The following RPTOR variants were observed in gnomAD, a reference collection of about 807,000 sequenced individuals.
RPTOR encodes regulatory-associated protein of mTOR.
A neutral mutation model predicts 169.9 loss-of-function variants in RPTOR; 21 were observed. That is an observed-to-expected ratio of 0.12 (90% CI 0.09 to 0.18). The LOEUF is 0.18. Ranked by LOEUF, RPTOR falls within the 10% of genes least tolerant of loss-of-function variation. RPTOR has a pLI of 1.00. For missense variants in RPTOR, 1,133 were observed against 1,855.9 expected, an observed-to-expected ratio of 0.61 and a Z score of 7.16; for synonymous variants, 732 against 753.2, an observed-to-expected ratio of 0.97 and a Z score of 0.46.
chr17:80,679,961 G>T (rs762713908), intron 3 of RPTOR, among the ~76,000 whole-genome samples: 1 of 152,176 alleles, frequency 6.6e-6, no homozygotes, highest in Non-Finnish European at 1.5e-5. Flanking sequence ...TCCCTGTCCT[G>T]GAGAGGAAGA....
In RPTOR at chr17:80,959,399, G is replaced by C. The variant is rs1439946298; in HGVS notation, c.3478-679G>C. 3.9e-5 allele frequency among the ~76,000 whole-genome samples: 6 copies of C among 152,184 alleles called. No individual in the cohort carries two copies. The highest frequency in any genetic ancestry group is 2.0e-4 in the Admixed American group (3 of 15,290). On this transcript the variant is annotated intron_variant, in intron 29 of 33. Transcript: ENST00000306801. This position sits in a 1 kb window ranked among gnomAD's most constrained non-coding sequence, Gnocchi z 6.7. ...TGGGTGGAGGCACAGAGCGCAGCAG[G>C]TGCTCCCAGAGCCGGCTCTGCCCCT...
intron 1 of RPTOR, among the ~76,000 whole-genome samples, chr17:80,558,099 A>T (rs1027449728): frequency 6.6e-6 from 1 of 151,986 alleles, no homozygotes; most frequent in African/African-American, 2.4e-5. Context: ...CAGGAGTTTG[A>T]GACCAGACTG....
chr17:80,594,189 G>T (rs2065128017), intron 1 of RPTOR, among the ~76,000 whole-genome samples: 2 of 152,118 alleles, frequency 1.3e-5, no homozygotes. Context: ...TGCCTCCTGG[G>T]TTCAAGCCAT....
At chr17:80,949,604 C>T in intron 28 of RPTOR, 57 bp downstream of exon 28, 3 of 1,434,822 alleles carry the variant, frequency 2.1e-6, no homozygotes, top group East Asian at 4.5e-5. Flanking sequence ...TGCGGACGCA[C>T]TCGGAATTCC....
chr17:80,722,540 G>T lies in RPTOR; in HGVS notation c.508-8020G>T, dbSNP rs116027173. On this transcript the variant is annotated intron_variant, in intron 4 of 33. Transcript: ENST00000306801. ...GAGTGTGTGTTTGAGGGGAGACGGC[G>T]CATAGATGTCAGGTGGGGCAGGAAT... Among the ~76,000 whole-genome samples the T allele has an allele frequency of 4.2e-4, 64 of 151,160 alleles. 1 individual carries two copies. In the South Asian group the frequency reaches 0.013, roughly 30 times the overall value.
chr17:80,730,758 T>TTTTGCCGGG lies in RPTOR; in HGVS notation c.654+52_654+53insTTTGCCGGG. The stretch of plus-strand genomic sequence containing the variant: ...GTGCTGGGTTTGGTTTTGTTTTCCC[T>TTTTGCCGGG]GGGGGTGGGGTTTGGGTGGGGAGGT... On this transcript the variant is annotated intron_variant, in intron 5 of 33. Transcript: ENST00000306801. The surrounding 1 kb of genome is among the most constrained non-coding windows in gnomAD (Gnocchi z 4.2). The TTTTGCCGGG allele has an allele frequency of 6.4e-6, 3 of 467,250 alleles. No individual in the cohort carries two copies. Among genetic ancestry groups the TTTTGCCGGG allele is most frequent in the East Asian group, 6.0e-5 (1 of 16,768 alleles). The allele number at this position is 467,250 out of a possible 1,614,324, so 28.9% of individuals were successfully genotyped here.
intron 5 of RPTOR, among the ~76,000 whole-genome samples, chr17:80,733,845 A>T (rs1293592954): frequency 6.6e-6 from 1 of 152,180 alleles, no homozygotes; most frequent in Non-Finnish European, 1.5e-5. Flanking sequence ...TACTTTGTAA[A>T]CTTTGTGGTT....
At chr17:80,927,255 T>C (rs898741556) in intron 24 of RPTOR, among the ~76,000 whole-genome samples, 3 of 152,188 alleles carry the variant, frequency 2.0e-5, no homozygotes, top group African/African-American at 4.8e-5. Context: ...GTTAACAAGC[T>C]TGGTGTCCTT....
At chr17:80,854,449 T>C (rs921383388) in intron 11 of RPTOR, among the ~76,000 whole-genome samples, 11 of 152,142 alleles carry the variant, frequency 7.2e-5, no homozygotes, top group Admixed American at 2.6e-4. Flanking sequence ...CCGTCGAGAG[T>C]GTGAGTGGGT....
At chr17:80,921,838 C>A (rs757323246) in intron 21 of RPTOR, among the ~76,000 whole-genome samples, 1 of 152,148 alleles carries the variant, frequency 6.6e-6, no homozygotes. Context: ...CCTGCCAGTG[C>A]GCCCCTCCCC....
At chr17:80,949,165 C>T (rs2069141311) in intron 27 of RPTOR, among the ~76,000 whole-genome samples, 1 of 152,160 alleles carries the variant, frequency 6.6e-6, no homozygotes, top group African/African-American at 2.4e-5. Flanking sequence ...CCAGGGCAGC[C>T]AAACCTCAGA....
At chr17:80,574,355 A>G (rs1400904100) in intron 1 of RPTOR, among the ~76,000 whole-genome samples, 1 of 147,160 alleles carries the variant, frequency 6.8e-6, no homozygotes, top group Non-Finnish European at 1.5e-5. Flanking sequence ...TTTAGTAGAG[A>G]CGGGGTTTCA....
Position 80,963,069 on chromosome 17 carries a change from G to T in RPTOR, c.3939+12G>T. On this transcript the variant is annotated intron_variant, in intron 33 of 33. Coordinates refer to ENST00000306801, the MANE Select transcript of RPTOR (RefSeq NM_020761.3). ...TCCACCCGCACTGGGTCAGTGTGGC[G>T]GTGGGTGGGGGTCGGGGGTCGGGGG... The T allele has an allele frequency of 6.5e-7, 1 of 1,535,190 alleles. No homozygotes were observed. The highest frequency in any genetic ancestry group is 8.8e-7 in the Non-Finnish European group (1 of 1,134,434).
chr17:80,696,120 C>T (rs114937916), intron 3 of RPTOR, among the ~76,000 whole-genome samples: 78 of 152,252 alleles, frequency 5.1e-4, no homozygotes, highest in African/African-American at 1.8e-3. Context: ...TTCAGGCTTC[C>T]TCTCCCTTTT....
chr17:80,591,069 T>A (rs1332503955), intron 1 of RPTOR, among the ~76,000 whole-genome samples: 3 of 143,070 alleles, frequency 2.1e-5, no homozygotes, highest in African/African-American at 9.1e-5. Flanking sequence ...ATAGAGTTGT[T>A]CAAAGTCACC....
In RPTOR at chr17:80,707,127, C is replaced by T. The variant is rs189056536; in HGVS notation, c.349-714C>T. On this transcript the variant is annotated intron_variant, in intron 3 of 33. Coordinates refer to ENST00000306801, the MANE Select transcript of RPTOR (RefSeq NM_020761.3). This position sits in a 1 kb window ranked among gnomAD's most constrained non-coding sequence, Gnocchi z 5.0. Reference sequence around the variant, plus strand: ...GCGGAGGGAGGAGCTTTCAGCAGGGCGATTCCTTACTCGGTCTCTTCACTC... The same window carrying T: ...GCGGAGGGAGGAGCTTTCAGCAGGGTGATTCCTTACTCGGTCTCTTCACTC... 6.6e-6 allele frequency among the ~76,000 whole-genome samples: 1 copy of T among 152,272 alleles called. No homozygotes were observed. The highest frequency in any genetic ancestry group is 1.9e-4 in the East Asian group (1 of 5,166).
chr17:80,858,639 G>A (rs961549467), intron 13 of RPTOR, among the ~76,000 whole-genome samples: 4 of 152,210 alleles, frequency 2.6e-5, no homozygotes, highest in African/African-American at 4.8e-5. Context: ...GGTCAGAGGA[G>A]TGGGGCTGAG....
chr17:80,847,714 C>T (rs891425403), intron 11 of RPTOR, among the ~76,000 whole-genome samples: 3 of 152,178 alleles, frequency 2.0e-5, no homozygotes, highest in African/African-American at 7.2e-5. Flanking sequence ...GTTGGGTCCT[C>T]GCCTTCCTAG....
chr17:80,832,363 G>A (rs1051873874), intron 9 of RPTOR, among the ~76,000 whole-genome samples: 4 of 152,202 alleles, frequency 2.6e-5, no homozygotes, highest in Non-Finnish European at 5.9e-5. Context: ...GGAAGGCCGC[G>A]AGGAGTGGAC....
Sources: gnomAD v4.1 joint callset for allele counts (sites outside exome capture counted in the v4.1 genomes callset) on GRCh38, gnomAD v4.1.1 for gene constraint, Gnocchi (gnomAD v3.1) non-coding constraint, MANE v1.5 for transcripts, NCBI Gene and HGNC (gene_info 2026-07-23, HGNC 2026-07-21) for gene names.